Variants in SCNN1D observed in about 807,000 individuals in gnomAD.
SCNN1D encodes the protein epithelial sodium channel subunit delta.
Under a neutral mutation model 87.8 loss-of-function variants are expected in SCNN1D, and 104 were observed. The ratio of observed to expected loss-of-function variants is 1.18; its 90% CI spans 1.01 to 1.39. The LOEUF (loss-of-function observed/expected upper bound fraction) is 1.39, where lower values mean the gene tolerates loss of function less well. Ranked by LOEUF, SCNN1D falls within the 40% of genes most tolerant of loss-of-function variation. The pLI is 0.00. For missense variants in SCNN1D, 1,324 were observed against 1,093.9 expected (o/e 1.21, Z -2.97); for synonymous variants, 628 against 481.2 (o/e 1.31, Z -3.99).
In SCNN1D at chr1:1,281,599, G is replaced by A. The variant is rs1357167825; in HGVS notation, c.266G>A (p.Gly89Glu). The A allele has an allele frequency of 3.9e-6, 6 of 1,535,460 alleles. No homozygotes were observed. The highest frequency in any genetic ancestry group is 1.7e-4 in the Middle Eastern group (1 of 6,010). Residue 89 changes from glycine (G) to glutamate (E), a missense_variant, in exon 3 of 18, where the codon GGG becomes GAG. Physicochemically the swap from Gly to Glu is moderately conservative, Grantham distance 98. Coordinates refer to ENST00000379116, the MANE Select transcript of SCNN1D (RefSeq NM_001130413.4). ...PLCLLSGPIQGCGTGLGDSSM... is the reference protein window; with the variant it reads ...PLCLLSGPIQECGTGLGDSSM... Reference sequence around the variant, plus strand: ...TGCCTACTCTCTGGCCCGATACAGGGGTGTGGGACAGGTGACTGAACCTCA... The same window carrying A: ...TGCCTACTCTCTGGCCCGATACAGGAGTGTGGGACAGGTGACTGAACCTCA...
chr1:1,291,064 G>C lies in SCNN1D; in HGVS notation c.1977-1G>C. On this transcript the variant is annotated splice_acceptor_variant, in intron 16 of 17. Transcript: ENST00000379116. LOFTEE classifies it high-confidence loss of function. ...GCCCTCATGCCTCTATCCTGCCCCA[G>C]GAGCAGCCTGGCCAAAATCAACATC... 2 of 1,611,620 alleles carry C rather than the reference G, an allele frequency of 1.2e-6. No individual in the cohort carries two copies. Among genetic ancestry groups the C allele is most frequent in the Non-Finnish European group, 1.7e-6 (2 of 1,179,550 alleles).
Position 1,291,722 on chromosome 1 carries a change from A to ACG in SCNN1D, c.*115_*116dup. The ACG allele has an allele frequency of 1.3e-6, 1 of 755,548 alleles. No individual in the cohort carries two copies. Among genetic ancestry groups the ACG allele is most frequent in the Non-Finnish European group, 2.0e-6 (1 of 500,144 alleles). 46.8% of individuals were successfully genotyped at this position (755,548 alleles called of 1,614,324 possible). On this transcript the variant is annotated 3_prime_UTR_variant, in exon 18 of 18. Transcript: ENST00000379116. ...AGACCAGCAGCCCAGGAAGCAGCAC[A>ACG]CGCGGCCGTGGGGAGGCAGGCACCG...
intron 12 of SCNN1D, among the ~76,000 whole-genome samples, chr1:1,288,791 TCC>T (rs541518253): frequency 0.013 from 5 of 400 alleles, 1 homozygote; most frequent in Non-Finnish European, 6.8e-3. Flanking sequence ...CTCTGCTCCG[TCC>T]CCCGTGTCCC....
chr1:1,290,867 G>A lies in SCNN1D; in HGVS notation c.1918-28G>A, dbSNP rs13306639. ...GGATGGCCGGGGGCATGGGGGAGCC[G>A]TGGCCACAGCAAACCTTCCGTCTGC... On this transcript the variant is annotated intron_variant, in intron 15 of 17. Transcript: ENST00000379116. 5.6e-4 allele frequency: 904 copies of A among 1,607,238 alleles called. 8 individuals carry two copies. In the East Asian group the frequency reaches 0.013, roughly 23 times the overall value.
intron 15 of SCNN1D, 64 bp downstream of exon 15, chr1:1,290,758 A>G: frequency 1.3e-6 from 2 of 1,598,434 alleles, no homozygotes; most frequent in Non-Finnish European, 1.7e-6. Flanking sequence ...GGTCCCACAG[A>G]GCCCACCCAA....
Position 1,286,899 on chromosome 1 carries a change from C to A in SCNN1D, c.1043C>A (p.Pro348His), listed in dbSNP as rs147245825. The change falls in exon 8 of 18, where the codon CCC becomes CAC. Residue 348 changes from proline (P) to histidine (H), a missense_variant. Physicochemically the swap from Pro to His is moderately conservative, Grantham distance 77. Coordinates refer to ENST00000379116, the MANE Select transcript of SCNN1D (RefSeq NM_001130413.4). ...GCCACTGTCCCCCGCCACGAGCCCC[C>A]CTTCCACCTGGACCGGGAGATCCGT... is the stretch of plus-strand genomic sequence containing the variant. ...LSATVPRHEP[P>H]FHLDREIRLQ... The A allele has an allele frequency of 1.9e-6, 3 of 1,612,634 alleles. No homozygotes were observed. Among genetic ancestry groups the A allele is most frequent in the Admixed American group, 1.7e-5 (1 of 60,010 alleles).
At chr1:1,283,677 A>G (rs980319519) in intron 4 of SCNN1D, among the ~76,000 whole-genome samples, 4 of 152,064 alleles carry the variant, frequency 2.6e-5, no homozygotes, top group African/African-American at 9.7e-5. Context: ...CAACCTGGGC[A>G]ACAAGAGTGA....
Position 1,288,305 on chromosome 1 carries a change from T to C in SCNN1D, c.1662+268T>C, listed in dbSNP as rs1476609487. 7.2e-4 allele frequency among the ~76,000 whole-genome samples: 39 copies of C among 54,142 alleles called. 1 individual carries two copies. The highest frequency in any genetic ancestry group is 1.3e-3 in the African/African-American group (6 of 4,682). The allele number at this position is 54,142 out of a possible 152,430, so 35.5% of individuals were successfully genotyped here. On this transcript the variant is annotated intron_variant, in intron 12 of 17. Transcript: ENST00000379116. ...AGTCTCTGCTCCGTCCCGTGTCTGCTCCGTCCCGTGTCCCTGCTCCGTCCC... is the reference window on the plus strand; with the variant it reads ...AGTCTCTGCTCCGTCCCGTGTCTGCCCCGTCCCGTGTCCCTGCTCCGTCCC...
chr1:1,284,300 G>T (rs1371593522), intron 5 of SCNN1D, among the ~76,000 whole-genome samples: 1 of 108,580 alleles, frequency 9.2e-6, no homozygotes, highest in African/African-American at 3.9e-5. Context: ...ACCGTGGGGG[G>T]ATTGGGGTGG....
chr1:1,288,320 TGCTCCGTCCC>T (rs1640671996), intron 12 of SCNN1D, among the ~76,000 whole-genome samples: 1 of 84,004 alleles, frequency 1.2e-5, no homozygotes, highest in African/African-American at 1.1e-4. Context: ...CCCGTGTCCC[TGCTCCGTCCC>T]GTGTCTCTGC....
In SCNN1D at chr1:1,288,032, A is replaced by AG; in HGVS notation, c.1659dup (p.Gln554AlafsTer30). 1 of 1,382,286 alleles carries AG rather than the reference A, an allele frequency of 7.2e-7. No homozygotes were observed. Among genetic ancestry groups the AG allele is most frequent in the South Asian group, 1.2e-5 (1 of 80,230 alleles). 85.6% of individuals were successfully genotyped at this position (1,382,286 alleles called of 1,614,324 possible). A position where few individuals can be genotyped will look rare whatever the true frequency, so the allele number is the denominator to read the frequency against. On this transcript the variant is annotated frameshift_variant, in exon 12 of 18. Transcript: ENST00000379116. LOFTEE classifies it high-confidence loss of function. Reference sequence around the variant, plus strand: ...GCTGCTACACAACACCTCCTACACCAGGCAGGTGAGGCTGGGCTGGCAGGG... The same window carrying AG: ...GCTGCTACACAACACCTCCTACACCAGGGCAGGTGAGGCTGGGCTGGCAGGG...
At chr1:1,285,420 G>A in intron 5 of SCNN1D, 151 bp from the exon 6 acceptor site, 1 of 561,290 alleles carries the variant, frequency 1.8e-6, no homozygotes, top group Non-Finnish European at 3.1e-6. Context: ...CCTGGACTTG[G>A]CTGGATGGGC....
intron 12 of SCNN1D, among the ~76,000 whole-genome samples, chr1:1,288,255 T>TCCCGTGTCTCTGCCCCGTCC (rs1640662832): frequency 8.9e-6 from 1 of 112,134 alleles, no homozygotes; most frequent in African/African-American, 3.9e-5. Context: ...CTCTGCTCCG[T>TCCCGTGTCTCTGCCCCGTCC]CCCGTGTCTC....
At position 1,281,591 on chromosome 1, in the gene SCNN1D, G is replaced by A. The variant is rs185720857; in HGVS notation, c.258G>A (p.Pro86=). The A allele has an allele frequency of 1.3e-3, 1,972 of 1,535,648 alleles. 12 individuals are homozygous for A. In the African/African-American group the frequency reaches 0.024, roughly 18 times the overall value. ...ACCCCCTCTGCCTACTCTCTGGCCC[G>A]ATACAGGGGTGTGGGACAGGTGACT... ...CGYPLCLLSG[P]IQGCGTGLGD... Residue 86 remains proline, a synonymous_variant, in exon 3 of 18, where the codon CCG becomes CCA. Transcript: ENST00000379116.
chr1:1,285,166 A>G (rs1640562079), intron 5 of SCNN1D, among the ~76,000 whole-genome samples: 2 of 152,208 alleles, frequency 1.3e-5, no homozygotes. Context: ...TGGTGTCCCC[A>G]GGCCCCGAAG....
intron 1 of SCNN1D, 25 bp from the exon 2 acceptor site, chr1:1,281,201 G>C (rs1262893): frequency 0.035 from 52,956 of 1,533,476 alleles, 1,579 homozygotes; most frequent in South Asian, 0.12. Context: ...GGGTCCCACA[G>C]ATGCCAGGCG....
At chr1:1,289,876 G>A (rs1230483672) in intron 12 of SCNN1D, among the ~76,000 whole-genome samples, 11 of 21,964 alleles carry the variant, frequency 5.0e-4, no homozygotes, top group Non-Finnish European at 5.6e-4. Flanking sequence ...GCTCCGTCCC[G>A]TGTCTCTGCT....
chr1:1,288,257 CCG>C (rs1491558209), intron 12 of SCNN1D, among the ~76,000 whole-genome samples: 1 of 128,598 alleles, frequency 7.8e-6, no homozygotes, highest in African/African-American at 3.1e-5. Flanking sequence ...CTGCTCCGTC[CCG>C]TGTCTCTGCT....
At chr1:1,284,941 C>T (rs976430203) in intron 5 of SCNN1D, among the ~76,000 whole-genome samples, 1 of 152,176 alleles carries the variant, frequency 6.6e-6, no homozygotes, top group Non-Finnish European at 1.5e-5. Flanking sequence ...CCTGGCAGCC[C>T]CCACTAGGGG....
Sources: allele counts gnomAD v4.1 joint callset (sites outside exome capture counted in the v4.1 genomes callset), GRCh38; gene constraint gnomAD v4.1.1; transcripts MANE v1.5; gene names NCBI Gene and HGNC (gene_info 2026-07-23, HGNC 2026-07-21).